SFTPD: variants seen among roughly 807,000 people sequenced by gnomAD.
SFTPD encodes the protein surfactant protein D.
A neutral mutation model predicts 34.6 loss-of-function variants in SFTPD; 18 were observed. The observed-to-expected ratio is 0.52, with a 90% CI of 0.36 to 0.77. SFTPD has a LOEUF of 0.77. SFTPD is among the 30% of genes least tolerant of loss of function. The pLI, the probability that SFTPD is intolerant of heterozygous loss-of-function variation, is 0.00. For missense variants in SFTPD, 433 were observed against 468.9 expected (o/e 0.92, Z 0.71); for synonymous variants, 155 against 180.9 (o/e 0.86, Z 1.15).
intron 1 of SFTPD, among the ~76,000 whole-genome samples, chr10:79,947,141 G>T (rs995370451): frequency 1.3e-5 from 2 of 152,224 alleles, no homozygotes; most frequent in African/African-American, 2.4e-5. Flanking sequence ...GCCTTGCATG[G>T]ACTAGCACTG....
At chr10:79,980,087 A>G (rs1842882291) in intron 1 of SFTPD, among the ~76,000 whole-genome samples, 1 of 152,114 alleles carries the variant, frequency 6.6e-6, no homozygotes, top group African/African-American at 2.4e-5. Flanking sequence ...CTGCTAACTA[A>G]AGAGCCCTTG....
At chr10:79,974,227 G>C (rs1842851531) in intron 1 of SFTPD, among the ~76,000 whole-genome samples, 1 of 152,018 alleles carries the variant, frequency 6.6e-6, no homozygotes, top group Non-Finnish European at 1.5e-5. Context: ...CAGTGCAGTG[G>C]CACGATCTCG....
chr10:79,938,139 A>C lies in SFTPD; in HGVS notation c.841T>G (p.Cys281Gly). Residue 281 changes from cysteine (C) to glycine (G), a missense_variant, in exon 8 of 8, where the codon TGC (cysteine) becomes GGC (glycine). By Grantham distance (159) the Cys-to-Gly change is radical. Transcript: ENST00000372292. ...VKPFTEAQLL[C>G]TQAGGQLASP... ...GCCAACTGTCCACCAGCCTGTGTGC[A>C]CAGCAGCTGTGCCTCCGTAAATGGT... The C allele has an allele frequency of 6.2e-7, 1 of 1,613,336 alleles. No individual in the cohort carries two copies. The highest frequency in any genetic ancestry group is 8.5e-7 in the Non-Finnish European group (1 of 1,179,310).
chr10:79,956,426 C>T (rs147617729), intron 1 of SFTPD, among the ~76,000 whole-genome samples: 1 of 152,246 alleles, frequency 6.6e-6, no homozygotes, highest in Non-Finnish European at 1.5e-5. Context: ...ACAGATGGCA[C>T]CTGGAAAATC....
At chr10:79,968,236 T>C (rs1842814701) in intron 1 of SFTPD, 1 of 148,616 alleles carries the variant, frequency 6.7e-6, no homozygotes, top group Non-Finnish European at 1.5e-5. Context: ...GTGCAGGTTG[T>C]TACATGGGTA....
chr10:79,969,759 A>G, intron 1 of SFTPD: 1 of 152,096 alleles, frequency 6.6e-6, no homozygotes, highest in East Asian at 1.9e-4. Context: ...TTTTCTGGTT[A>G]TGGAGTATTT....
intron 5 of SFTPD, 75 bp downstream of exon 5, chr10:79,941,879 G>C (rs565949710): frequency 7.6e-6 from 7 of 918,300 alleles, no homozygotes; most frequent in Non-Finnish European, 1.1e-5. Context: ...TGGTGGAGGG[G>C]GTGTAGGCAT....
chr10:79,957,917 A>G (rs997463225), intron 1 of SFTPD, among the ~76,000 whole-genome samples: 6 of 152,248 alleles, frequency 3.9e-5, no homozygotes, highest in African/African-American at 1.4e-4. Context: ...CGGGTTACCC[A>G]CAACGGGAAG....
intron 1 of SFTPD, among the ~76,000 whole-genome samples, chr10:79,964,964 C>A (rs558163740): frequency 3.3e-5 from 5 of 152,250 alleles, no homozygotes; most frequent in African/African-American, 9.6e-5. Context: ...CTATACAGTC[C>A]AATAATGGAC....
At chr10:79,956,839 G>A (rs181726514) in intron 1 of SFTPD, among the ~76,000 whole-genome samples, 2,805 of 152,234 alleles carry the variant, frequency 0.018, 78 homozygotes, top group Admixed American at 0.08. Flanking sequence ...ATCTGAGAAC[G>A]GGCAGACTGC....
Position 79,943,779 on chromosome 10 carries a change from A to G in SFTPD, c.200-900T>C, listed in dbSNP as rs187848479. On this transcript the variant is annotated intron_variant, in intron 2 of 7. Coordinates refer to ENST00000372292, the MANE Select transcript of SFTPD (RefSeq NM_003019.5). The stretch of plus-strand genomic sequence containing the variant: ...GGTTACAGTCCTTATTAGGGATGAA[A>G]TGGAAGCACAGAGGGTTATAGGATG... Among the ~76,000 whole-genome samples, 16 of 152,294 alleles carry G rather than the reference A, an allele frequency of 1.1e-4. No individual in the cohort carries two copies. The East Asian group carries it at 3.1e-3, about 29-fold the overall frequency.
At position 79,941,514 on chromosome 10, in the gene SFTPD, C is replaced by T. The variant is rs1244785717; in HGVS notation, c.551G>A (p.Gly184Glu). ...CTGGGGACCCATGGCTCCAGCAGAC[C>T]CTGGGGTAAAAGAAGAACTGGGTGA... Reference protein sequence around the residue: ...RGVPGNTGAAGSAGAMGPQGS... With the variant: ...RGVPGNTGAAESAGAMGPQGS... Residue 184 changes from glycine (G) to glutamate (E), a missense_variant and splice_region_variant, in exon 6 of 8, where the codon GGG becomes GAG. Transcript: ENST00000372292. 1.3e-6 allele frequency: 2 copies of T among 1,589,704 alleles called. No homozygotes were observed. The highest frequency in any genetic ancestry group is 1.4e-5 in the African/African-American group (1 of 73,244).
chr10:79,940,743 A>G lies in SFTPD; in HGVS notation c.713T>C (p.Val238Ala), dbSNP rs757832912. The change falls in exon 7 of 8, where the codon GTA (valine) becomes GCA (alanine). Residue 238 changes from valine (V) to alanine (A), a missense_variant. Coordinates refer to ENST00000372292, the MANE Select transcript of SFTPD (RefSeq NM_003019.5). Reference protein sequence around the residue: ...RQQVEALQGQVQHLQAAFSQY... With the variant: ...RQQVEALQGQAQHLQAAFSQY... ...AGAGAAAGCAGCCTGGAGGTGCTGT[A>G]CTTGTCCCTGTAAGGCCTCAACCTG... 1.2e-6 allele frequency: 2 copies of G among 1,612,586 alleles called. No individual in the cohort carries two copies. Among genetic ancestry groups the G allele is most frequent in the South Asian group, 2.2e-5 (2 of 91,018 alleles).
rs1318764881 is a variant in SFTPD at position 79,982,332 on chromosome 10, GC to G, written c.36+242del. 4 of 969,288 alleles carry G rather than the reference GC, an allele frequency of 4.1e-6. No homozygotes were observed. The African/African-American group carries it at 5.2e-5, about 13-fold the overall frequency. The allele number at this position is 969,288 out of a possible 1,614,324, so 60.0% of individuals were successfully genotyped here. A position where few individuals can be genotyped will look rare whatever the true frequency, so the allele number is the denominator to read the frequency against. On this transcript the variant is annotated intron_variant, in intron 1 of 5. Coordinates refer to the SFTPD transcript ENST00000444384. ...AGTGGGCACCAGCCCAGCGCCTCGG[GC>G]GGCGCTGCTGCGAAGGCCCTGGCAG...
intron 1 of SFTPD, chr10:79,968,339 C>T (rs1842815305): frequency 6.6e-6 from 1 of 152,180 alleles, no homozygotes; most frequent in African/African-American, 2.4e-5. Context: ...TTCCCCCTCC[C>T]CAGTGTCTAT....
chr10:79,940,831 C>T (rs374335813), intron 6 of SFTPD, 43 bp from the exon 7 acceptor site: 64 of 1,330,578 alleles, frequency 4.8e-5, no homozygotes, highest in Admixed American at 2.9e-4. Context: ...GTCCAGAGAG[C>T]GAAGGAAGAG....
At chr10:79,955,098 C>T (rs750353107) in intron 1 of SFTPD, among the ~76,000 whole-genome samples, 16 of 152,156 alleles carry the variant, frequency 1.1e-4, no homozygotes, top group Non-Finnish European at 2.1e-4. Flanking sequence ...AGCAGTGGTC[C>T]CCTGGTGCCA....
Position 79,964,963 on chromosome 10 carries a change from C to T in SFTPD, c.36+17612G>A, listed in dbSNP as rs150273888. ...TTTGGCCTTCCCACCTCTATACAGT[C>T]CAATAATGGACCAGCCTTTATTAGT... On this transcript the variant is annotated intron_variant, in intron 1 of 5. Transcript: ENST00000444384. 4.4e-3 allele frequency among the ~76,000 whole-genome samples: 672 copies of T among 152,276 alleles called. 8 individuals carry two copies. The highest frequency in any genetic ancestry group is 0.015 in the African/African-American group (639 of 41,538).
intron 2 of SFTPD, among the ~76,000 whole-genome samples, chr10:79,946,113 A>G (rs943497512): frequency 6.6e-6 from 1 of 152,220 alleles, no homozygotes; most frequent in African/African-American, 2.4e-5. Context: ...AAAATATTTA[A>G]TGCCCTGCAC....
Sources: gnomAD v4.1 joint callset for allele counts (sites outside exome capture counted in the v4.1 genomes callset) on GRCh38, gnomAD v4.1.1 for gene constraint, MANE v1.5 for transcripts, NCBI Gene and HGNC (gene_info 2026-07-23, HGNC 2026-07-21) for gene names.